SLIT2: variants seen among roughly 807,000 people sequenced by gnomAD.
The protein encoded by SLIT2 is slit guidance ligand 2, also known as slit homolog 2 protein.
SLIT2 carries 41 observed loss-of-function variants against 185.7 expected under a neutral mutation model. The ratio of observed to expected loss-of-function variants is 0.22; its 90% confidence interval spans 0.17 to 0.29. SLIT2 has a LOEUF of 0.29. Ranked by LOEUF, SLIT2 falls within the 10% of genes least tolerant of loss-of-function variation. SLIT2 has a pLI of 1.00. For missense variants in SLIT2, 1,571 were observed against 1,909.0 expected (o/e 0.82, Z 3.30); for synonymous variants, 693 against 680.2 (o/e 1.02, Z -0.29).
intron 4 of SLIT2, among the ~76,000 whole-genome samples, chr4:20,336,302 C>G (rs1720491399): frequency 6.6e-6 from 1 of 152,098 alleles, no homozygotes; most frequent in African/African-American, 2.4e-5. Context: ...CAGTGATAGA[C>G]TGGATTAAGA....
chr4:20,413,211 T>G (rs1238241435), intron 4 of SLIT2, among the ~76,000 whole-genome samples: 1 of 152,106 alleles, frequency 6.6e-6, no homozygotes, highest in Non-Finnish European at 1.5e-5. Flanking sequence ...TAATTTTCTT[T>G]TGTTCTCTTC....
chr4:20,288,402 G>A (rs553723955), intron 4 of SLIT2, among the ~76,000 whole-genome samples: 1 of 152,284 alleles, frequency 6.6e-6, no homozygotes, highest in East Asian at 1.9e-4. Context: ...TCACTGTGAT[G>A]TTTTTTATTA....
intron 4 of SLIT2, among the ~76,000 whole-genome samples, chr4:20,323,201 A>AC (rs1314931198): frequency 6.6e-6 from 1 of 151,928 alleles, no homozygotes; most frequent in Non-Finnish European, 1.5e-5. Context: ...TTCAGCTAAA[A>AC]AATGTATTGT....
intron 21 of SLIT2, 45 bp downstream of exon 21, chr4:20,542,671 T>TA: frequency 6.2e-7 from 1 of 1,600,734 alleles, no homozygotes; most frequent in Non-Finnish European, 8.5e-7. Context: ...TCCTTGATGA[T>TA]AAATGTTTCA....
intron 4 of SLIT2, among the ~76,000 whole-genome samples, chr4:20,465,818 G>A (rs545419846): frequency 1.3e-5 from 2 of 152,222 alleles, no homozygotes; most frequent in East Asian, 3.9e-4. Flanking sequence ...ACAAAACTGT[G>A]CCTAGGGACT....
intron 11 of SLIT2, among the ~76,000 whole-genome samples, chr4:20,517,071 A>G (rs908045027): frequency 1.3e-5 from 2 of 152,214 alleles, no homozygotes; most frequent in African/African-American, 4.8e-5. Flanking sequence ...TGAACAACCT[A>G]CTAAATTGTC....
intron 11 of SLIT2, among the ~76,000 whole-genome samples, chr4:20,516,781 C>A (rs1720256344): frequency 1.3e-5 from 2 of 152,282 alleles, no homozygotes; most frequent in Non-Finnish European, 1.5e-5. Context: ...AAATGTCATT[C>A]CCATTACATT....
intron 5 of SLIT2, among the ~76,000 whole-genome samples, chr4:20,473,539 G>A (rs1715790299): frequency 6.6e-6 from 1 of 151,974 alleles, no homozygotes; most frequent in Non-Finnish European, 1.5e-5. Context: ...GTTCACCTAT[G>A]TGTTGTTACA....
intron 4 of SLIT2, among the ~76,000 whole-genome samples, chr4:20,430,274 T>C (rs187856180): frequency 2.0e-5 from 3 of 152,344 alleles, no homozygotes; most frequent in Admixed American, 2.0e-4. Context: ...GGCTCATGCT[T>C]AGCTATGTGA....
chr4:20,577,159 G>A (rs1027255913), intron 29 of SLIT2, among the ~76,000 whole-genome samples: 1 of 151,984 alleles, frequency 6.6e-6, no homozygotes, highest in Non-Finnish European at 1.5e-5. Context: ...ATATTTCTCA[G>A]TACATAACCA....
intron 4 of SLIT2, among the ~76,000 whole-genome samples, chr4:20,272,277 A>G (rs1713707435): frequency 6.6e-6 from 1 of 151,082 alleles, no homozygotes; most frequent in Non-Finnish European, 1.5e-5. Context: ...AGGTTAAAAA[A>G]AAAAAAAATA....
At chr4:20,397,695 T>A (rs1361355908) in intron 4 of SLIT2, among the ~76,000 whole-genome samples, 2 of 151,888 alleles carry the variant, frequency 1.3e-5, no homozygotes, top group African/African-American at 2.4e-5. Flanking sequence ...TGATTATTCC[T>A]GTTTTAATTT....
chr4:20,286,544 G>T (rs1277987282), intron 4 of SLIT2, among the ~76,000 whole-genome samples: 1 of 152,138 alleles, frequency 6.6e-6, no homozygotes. Flanking sequence ...ACTCATGCCC[G>T]TAATCCCAGC....
chr4:20,540,115 G>A (rs1223898844), intron 19 of SLIT2, among the ~76,000 whole-genome samples: 1 of 151,702 alleles, frequency 6.6e-6, no homozygotes, highest in Admixed American at 6.6e-5. Flanking sequence ...GAATCCCTGT[G>A]TTTACTAAAA....
chr4:20,620,040 C>A lies in SLIT2; in HGVS notation c.*1031C>A. The A allele has an allele frequency of 5.4e-6, 1 of 184,386 alleles. No homozygotes were observed. The highest frequency in any genetic ancestry group is 1.1e-5 in the Non-Finnish European group (1 of 87,896). The allele number at this position is 184,386 out of a possible 1,614,324, so 11.4% of individuals were successfully genotyped here. On this transcript the variant is annotated 3_prime_UTR_variant, in exon 37 of 37. Coordinates refer to ENST00000504154, the MANE Select transcript of SLIT2 (RefSeq NM_004787.4). ...TGACCTACTGGCCTCATTCAGGACA[C>A]CTGCAGAGAGTATGCAAAGTCCGAG...
intron 11 of SLIT2, among the ~76,000 whole-genome samples, chr4:20,512,483 G>A (rs1337285420): frequency 6.6e-6 from 1 of 152,102 alleles, no homozygotes; most frequent in Non-Finnish European, 1.5e-5. Context: ...GACTTGGAGG[G>A]TTTTGACTAG....
At position 20,252,697 on chromosome 4, in the gene SLIT2, C is replaced by G. The variant is rs775452039; in HGVS notation, c.-1119C>G. ...ATCTGGGAGACGAGCGGGGTTGACACGCGCGCACACACTACTGCCATTCAG... is the reference window on the plus strand; with the variant it reads ...ATCTGGGAGACGAGCGGGGTTGACAGGCGCGCACACACTACTGCCATTCAG... On this transcript the variant is annotated 5_prime_UTR_variant, in exon 1 of 37. Transcript: ENST00000504154. Among the ~76,000 whole-genome samples, 5 of 152,204 alleles carry G rather than the reference C, an allele frequency of 3.3e-5. No homozygotes were observed. The highest frequency in any genetic ancestry group is 6.5e-5 in the Admixed American group (1 of 15,284).
chr4:20,413,747 C>T (rs904151003), intron 4 of SLIT2, among the ~76,000 whole-genome samples: 1 of 151,964 alleles, frequency 6.6e-6, no homozygotes, highest in Non-Finnish European at 1.5e-5. Flanking sequence ...TATGGGTACT[C>T]TTTACACAAT....
chr4:20,518,213 A>G (rs1279793171), intron 11 of SLIT2, among the ~76,000 whole-genome samples: 4 of 140,622 alleles, frequency 2.8e-5, no homozygotes, highest in African/African-American at 1.1e-4. Flanking sequence ...ATATATTTAT[A>G]TATATATACA....
Sources: allele counts gnomAD v4.1 joint callset (sites outside exome capture counted in the v4.1 genomes callset), GRCh38; gene constraint gnomAD v4.1.1; transcripts MANE v1.5; gene names NCBI Gene and HGNC (gene_info 2026-07-23, HGNC 2026-07-21).